The following HINFP variants were observed in gnomAD, a reference collection of about 807,000 sequenced individuals.
HINFP encodes the protein histone H4 transcription factor.
In HINFP, 20 loss-of-function variants were observed where a neutral mutation model predicts 50.1. The ratio of observed to expected loss-of-function variants is 0.40; its 90% CI spans 0.28 to 0.58. The LOEUF is 0.58. HINFP is among the 20% of genes least tolerant of loss of function. The pLI, the probability that HINFP is intolerant of heterozygous loss-of-function variation, is 0.45. For synonymous variants in HINFP, 247 were observed against 243.7 expected (o/e 1.01, Z -0.13); for missense variants, 505 against 664.1 (o/e 0.76, Z 2.63).
At chr11:119,127,369 T>A in intron 2 of HINFP, 2 of 357,630 alleles carry the variant, frequency 5.6e-6, no homozygotes, top group African/African-American at 4.2e-5. Flanking sequence ...GAACATTGTT[T>A]TTGACATCTC....
At chr11:119,128,133 T>C (rs902914547) in intron 2 of HINFP, among the ~76,000 whole-genome samples, 1 of 152,118 alleles carries the variant, frequency 6.6e-6, no homozygotes, top group Non-Finnish European at 1.5e-5. Flanking sequence ...ATTACAGGCG[T>C]GAGCCACCGC....
At chr11:119,132,184 T>C (rs1947799371) in intron 5 of HINFP, 1 of 633,046 alleles carries the variant, frequency 1.6e-6, no homozygotes, top group Admixed American at 2.9e-5. Flanking sequence ...TCGTATCAGT[T>C]ACTTAGGGAA....
At chr11:119,123,664 T>TC (rs1235645034) in intron 1 of HINFP, 2 of 146,912 alleles carry the variant, frequency 1.4e-5, no homozygotes, top group Non-Finnish European at 3.0e-5. Context: ...CACCTGAACC[T>TC]CCCAAGTAGC....
rs977861777 is a variant in HINFP, at chr11:119,131,379, G to A, written c.412-156G>A. The A allele has an allele frequency of 7.8e-5, 50 of 643,386 alleles. No individual in the cohort carries two copies. The highest frequency in any genetic ancestry group is 4.7e-4 in the African/African-American group (26 of 55,654). 39.9% of individuals were successfully genotyped at this position (643,386 alleles called of 1,614,324 possible). On this transcript the variant is annotated intron_variant, in intron 3 of 9. Coordinates refer to ENST00000350777, the MANE Select transcript of HINFP (RefSeq NM_198971.3). The surrounding 1 kb of genome is among the most constrained non-coding windows in gnomAD (Gnocchi z 4.2). ...GCTGGGATTACAGGGTTTAGCAACC[G>A]CACCCGGCCACTCCTCCATTTCTGT...
Position 119,126,931 on chromosome 11 carries a change from C to A in HINFP, c.-10-4C>A. ...CAGCTGTGGATTTCTTCCTCTTCCT[C>A]TAGGGTGAAGGCCATGCCGCCTCCT... On this transcript the variant is annotated splice_region_variant and splice_polypyrimidine_tract_variant and intron_variant, in intron 1 of 9. Coordinates refer to ENST00000350777, the MANE Select transcript of HINFP (RefSeq NM_198971.3). 2 of 1,605,798 alleles carry A rather than the reference C, an allele frequency of 1.2e-6. No individual in the cohort carries two copies. The highest frequency in any genetic ancestry group is 1.7e-6 in the Non-Finnish European group (2 of 1,175,966).
At chr11:119,128,090 G>T (rs905032241) in intron 2 of HINFP, among the ~76,000 whole-genome samples, 3 of 152,100 alleles carry the variant, frequency 2.0e-5, no homozygotes, top group Non-Finnish European at 4.4e-5. Context: ...TTGATCTCAT[G>T]ATCCGCCCAC....
chr11:119,134,470 C>A lies in HINFP; in HGVS notation c.1526C>A (p.Ala509Asp), dbSNP rs756785525. ...GGIMEKLQGI[A>D]EEPEIQMV The stretch of plus-strand genomic sequence containing the variant: ...ATCATGGAAAAGCTTCAAGGAATAG[C>A]TGAGGAGCCAGAGATCCAGATGGTT... The change falls in exon 10 of 10, where the codon GCT (alanine) becomes GAT (aspartate). Residue 509 changes from alanine to aspartate, a missense_variant. By Grantham distance (126) the Ala-to-Asp change is moderately radical. Transcript: ENST00000350777. This position sits in a 1 kb window ranked among gnomAD's most constrained non-coding sequence, Gnocchi z 4.3. 8.1e-6 allele frequency: 13 copies of A among 1,607,984 alleles called. No homozygotes were observed. Among genetic ancestry groups the A allele is most frequent in the Non-Finnish European group, 1.1e-5 (13 of 1,176,020 alleles).
In HINFP at chr11:119,131,609, C is replaced by T. The variant is rs374989159; in HGVS notation, c.486C>T (p.Val162=). Residue 162 remains valine, a synonymous_variant, in exon 4 of 10, where the codon GTC becomes GTT. Coordinates refer to ENST00000350777, the MANE Select transcript of HINFP (RefSeq NM_198971.3). The surrounding 1 kb of genome is among the most constrained non-coding windows in gnomAD (Gnocchi z 4.2). ...AHSLCCEYEA[V]GKDNPVVLCG... The stretch of plus-strand genomic sequence containing the variant: ...GTCTGTGCTGTGAATACGAAGCAGT[C>T]GGCAAGGACAACCCGGTGGTGCTGT... 4.0e-5 allele frequency: 65 copies of T among 1,614,076 alleles called. No homozygotes were observed. In the African/African-American group the frequency reaches 4.7e-4, roughly 12 times the overall value.
At chr11:119,125,026 T>G in intron 1 of HINFP, 1 of 135,992 alleles carries the variant, frequency 7.4e-6, no homozygotes, top group South Asian at 2.5e-4. Flanking sequence ...TGTTTGTGTG[T>G]GTGTGTGTGT....
chr11:119,134,777 T>C lies in HINFP; in HGVS notation c.*279T>C. 1 of 349,098 alleles carries C rather than the reference T, an allele frequency of 2.9e-6. No homozygotes were observed. Among genetic ancestry groups the C allele is most frequent in the Non-Finnish European group, 5.3e-6 (1 of 190,186 alleles). 21.6% of individuals were successfully genotyped at this position (349,098 alleles called of 1,614,324 possible). ...AAGAGGCTGTTATCAGGCTTAACCA[T>C]AACCCTCAAGATCTGCTTGACAGTG... On this transcript the variant is annotated 3_prime_UTR_variant, in exon 10 of 10. Coordinates refer to ENST00000350777, the MANE Select transcript of HINFP (RefSeq NM_198971.3). The surrounding 1 kb of genome is among the most constrained non-coding windows in gnomAD (Gnocchi z 4.3).
intron 7 of HINFP, 21 bp from the exon 8 acceptor site, chr11:119,132,843 C>A: frequency 6.2e-7 from 1 of 1,614,150 alleles, no homozygotes; most frequent in Non-Finnish European, 8.5e-7. Flanking sequence ...TCCTCCAATC[C>A]CTCCTGATTT....
chr11:119,132,630 C>T (rs2135079461), intron 6 of HINFP, 31 bp from the exon 7 acceptor site: 1 of 1,614,096 alleles, frequency 6.2e-7, no homozygotes, highest in Non-Finnish European at 8.5e-7. Flanking sequence ...CACAAGTTCT[C>T]ACATCACAGC....
At position 119,129,490 on chromosome 11, in the gene HINFP, C is replaced by CTTTTTTTTTTTTTT. The variant is rs59395600; in HGVS notation, c.182-1233_182-1220dup. ...TCTGGCAGGAATACATTTTTCTTTTCTTTTTTTTTTTTTTTGTGGGAGTGC... is the reference window on the plus strand; with the variant it reads ...TCTGGCAGGAATACATTTTTCTTTTCTTTTTTTTTTTTTTTTTTTTTTTTTTTTTGTGGGAGTGC... On this transcript the variant is annotated intron_variant, in intron 2 of 9. Transcript: ENST00000350777. Among the ~76,000 whole-genome samples the CTTTTTTTTTTTTTT allele has an allele frequency of 7.4e-4, 92 of 124,156 alleles. 2 individuals are homozygous for CTTTTTTTTTTTTTT. The highest frequency in any genetic ancestry group is 6.5e-3 in the East Asian group (26 of 3,996). The allele number at this position is 124,156 out of a possible 152,430, so 81.5% of individuals were successfully genotyped here.
intron 2 of HINFP, among the ~76,000 whole-genome samples, chr11:119,129,287 C>T (rs1400165581): frequency 6.6e-6 from 1 of 152,002 alleles, no homozygotes; most frequent in African/African-American, 2.4e-5. Flanking sequence ...GATCTGCCTG[C>T]CTCGGCCTCC....
intron 2 of HINFP, among the ~76,000 whole-genome samples, chr11:119,128,927 C>T (rs997492370): frequency 6.6e-6 from 1 of 151,452 alleles, no homozygotes; most frequent in Non-Finnish European, 1.5e-5. Flanking sequence ...GGGATAGGCA[C>T]TATTATTATA....
In HINFP at chr11:119,133,165, T is replaced by C. The variant is rs1032175426; in HGVS notation, c.1085T>C (p.Val362Ala). The change falls in exon 9 of 10, where the codon GTG becomes GCG. Residue 362 changes from valine (V) to alanine (A), a missense_variant. Physicochemically the swap from Val to Ala is moderately conservative, Grantham distance 64. Transcript: ENST00000350777. Reference protein sequence around the residue: ...KCFTRGNNLTVHLRKKHQFKW... With the variant: ...KCFTRGNNLTAHLRKKHQFKW... ...TTCACACGGGGCAACAACCTCACCGTGCACCTTCGCAAGAAGCACCAGTTC... is the reference window on the plus strand; with the variant it reads ...TTCACACGGGGCAACAACCTCACCGCGCACCTTCGCAAGAAGCACCAGTTC... 1 of 1,614,124 alleles carries C rather than the reference T, an allele frequency of 6.2e-7. No individual in the cohort carries two copies. Among genetic ancestry groups the C allele is most frequent in the Non-Finnish European group, 8.5e-7 (1 of 1,180,060 alleles).
At chr11:119,128,686 CTAT>C (rs1411774093) in intron 2 of HINFP, among the ~76,000 whole-genome samples, 3 of 151,560 alleles carry the variant, frequency 2.0e-5, no homozygotes, top group Non-Finnish European at 4.4e-5. Context: ...GAGATAGGCA[CTAT>C]TATTATTATT....
intron 1 of HINFP, chr11:119,123,724 T>G (rs1291354924): frequency 2.7e-5 from 4 of 147,420 alleles, no homozygotes; most frequent in Admixed American, 6.8e-5. Context: ...TTTTTTTTTT[T>G]TTTTTTTGAG....
At chr11:119,122,020 T>G (rs1423996664) in intron 1 of HINFP, 1 of 152,332 alleles carries the variant, frequency 6.6e-6, no homozygotes, top group Non-Finnish European at 1.5e-5. Context: ...TCGGGTACTT[T>G]GTTTCGGTCG....
Sources: gnomAD v4.1 joint callset for allele counts (sites outside exome capture counted in the v4.1 genomes callset) on GRCh38, gnomAD v4.1.1 for gene constraint, Gnocchi (gnomAD v3.1) non-coding constraint, MANE v1.5 for transcripts, NCBI Gene and HGNC (gene_info 2026-07-23, HGNC 2026-07-21) for gene names.